APC2: variants seen among roughly 807,000 people sequenced by gnomAD.
APC2 encodes the protein adenomatous polyposis coli protein 2.
Under a neutral mutation model 72.5 loss-of-function variants are expected in APC2, and 41 were observed. That is an observed-to-expected ratio of 0.57 (90% CI 0.44 to 0.73). The LOEUF (loss-of-function observed/expected upper bound fraction) is 0.73, where lower values mean the gene tolerates loss of function less well. Among genes scored for constraint, APC2 ranks in the 30% least tolerant of loss-of-function variants. APC2 has a pLI of 0.00. For missense variants in APC2, 3,729 were observed against 3,403.4 expected, an observed-to-expected ratio of 1.10 and a Z score of -2.38; for synonymous variants, 1,898 against 1,612.0, an observed-to-expected ratio of 1.18 and a Z score of -4.25.
chr19:1,460,044 C>A, intron 10 of APC2, 137 bp from the exon 11 acceptor site: 1 of 1,226,156 alleles, frequency 8.2e-7, no homozygotes, highest in Non-Finnish European at 1.1e-6. Flanking sequence ...GAGGAGGTCT[C>A]AGACTTGGGC....
upstream of APC2, among the ~76,000 whole-genome samples, chr19:1,448,937 C>T (rs1468633492): frequency 6.6e-6 from 1 of 152,228 alleles, no homozygotes; most frequent in African/African-American, 2.4e-5. Flanking sequence ...CCAGTGGGGA[C>T]AGCTGCGTCC....
upstream of APC2, chr19:1,450,110 C>T (rs575936684): frequency 2.1e-5 from 21 of 982,702 alleles, no homozygotes; most frequent in South Asian, 7.5e-4. Context: ...ATCCCGCATC[C>T]TCCCCCGCTC....
intron 14 of APC2, among the ~76,000 whole-genome samples, chr19:1,464,873 T>C (rs926172049): frequency 1.3e-5 from 2 of 151,272 alleles, no homozygotes; most frequent in Non-Finnish European, 2.9e-5. Context: ...CCTCAGGGGA[T>C]CCACCCCACT....
At chr19:1,447,665 G>C (rs2083699581), upstream of APC2, among the ~76,000 whole-genome samples, 1 of 151,908 alleles carries the variant, frequency 6.6e-6, no homozygotes, top group Non-Finnish European at 1.5e-5. Flanking sequence ...TAGTGTGTGG[G>C]GGGGGATTGT....
At chr19:1,453,696 C>A (rs1344081315) in intron 4 of APC2, 85 bp downstream of exon 4, 1 of 1,489,572 alleles carries the variant, frequency 6.7e-7, no homozygotes, top group Non-Finnish European at 9.0e-7. Flanking sequence ...CGCCCACCCG[C>A]ATATGTCTCT....
Position 1,467,432 on chromosome 19 carries a change from GC to G in APC2, c.4134del (p.Ala1379ProfsTer201). ...TCCCCGTGCCCGTCTACATGTTGGTGCCCGCCCCGGCCCCGGCCCAGGAGGA... is the reference window on the plus strand; with the variant it reads ...TCCCCGTGCCCGTCTACATGTTGGTGCCGCCCCGGCCCCGGCCCAGGAGGA... ...ALPVPVYMLV[P>X]APAPAQEDDS... On this transcript the variant is annotated frameshift_variant, in exon 15 of 15. Transcript: ENST00000590469. LOFTEE classifies it low-confidence loss of function (END_TRUNC). The G allele has an allele frequency of 6.8e-7, 1 of 1,480,278 alleles. No homozygotes were observed. The highest frequency in any genetic ancestry group is 8.9e-7 in the Non-Finnish European group (1 of 1,119,906). 91.7% of individuals were successfully genotyped at this position (1,480,278 alleles called of 1,614,324 possible). A position where few individuals can be genotyped will look rare whatever the true frequency, so the allele number is the denominator to read the frequency against.
chr19:1,457,108 C>A lies in APC2; in HGVS notation c.1072C>A (p.Gln358Lys). ...NAALHNIVFS[Q>K]PDQGLARKEM... ...GGCGCTGCACAACATCGTCTTCTCG[C>A]AGCCGGACCAGGGCCTGGCGCGCAA... The change falls in exon 9 of 15, where the codon CAG becomes AAG. Residue 358 changes from glutamine (Q) to lysine (K), a missense_variant. Physicochemically the swap from Gln to Lys is moderately conservative, Grantham distance 53. Transcript: ENST00000590469. 1.9e-6 allele frequency: 3 copies of A among 1,584,136 alleles called. No homozygotes were observed. Among genetic ancestry groups the A allele is most frequent in the South Asian group, 1.1e-5 (1 of 87,034 alleles).
At chr19:1,457,902 T>G in intron 9 of APC2, 63 bp from the exon 10 acceptor site, 4 of 897,380 alleles carry the variant, frequency 4.5e-6, no homozygotes, top group Non-Finnish European at 6.2e-6. Context: ...TTGCGGGACC[T>G]TCGGGAGTCA....
Position 1,466,929 on chromosome 19 carries a change from C to T in APC2, c.3628C>T (p.Arg1210Trp), listed in dbSNP as rs868019764. The change falls in exon 15 of 15, where the codon CGG becomes TGG. Residue 1210 changes from arginine (R) to tryptophan (W), a missense_variant. Arg to Trp is a moderately radical substitution (Grantham distance 101). Transcript: ENST00000590469. Reference protein sequence around the residue: ...DSPGQTMPPSRSKTPPLAPAP... With the variant: ...DSPGQTMPPSWSKTPPLAPAP... ...CCCCGGACAGACCATGCCTCCCAGC[C>T]GGAGCAAGACGCCACCGCTGGCGCC... The T allele has an allele frequency of 5.0e-6, 8 of 1,595,770 alleles. No homozygotes were observed. In the African/African-American group the frequency reaches 5.4e-5, roughly 11 times the overall value.
Position 1,468,941 on chromosome 19 carries a change from G to T in APC2, c.5640G>T (p.Ser1880=). 6.5e-7 allele frequency: 1 copy of T among 1,529,332 alleles called. No homozygotes were observed. Among genetic ancestry groups the T allele is most frequent in the Non-Finnish European group, 8.7e-7 (1 of 1,143,132 alleles). The allele number at this position is 1,529,332 out of a possible 1,614,324, so 94.7% of individuals were successfully genotyped here. ...KTPSSSSSQT[S]PASQPLPRKR... ...CCTCCTCCAGCTCCTCCCAGACCTC[G>T]CCCGCCTCCCAGCCCCTGCCCAGAA... Residue 1880 remains serine, a synonymous_variant, in exon 15 of 15, where the codon TCG becomes TCT. Coordinates refer to ENST00000590469, the MANE Select transcript of APC2 (RefSeq NM_005883.3).
In APC2 at chr19:1,469,114, G is replaced by A. The variant is rs868433435; in HGVS notation, c.5813G>A (p.Arg1938Gln). Residue 1938 changes from arginine (R) to glutamine (Q), a missense_variant, in exon 15 of 15, where the codon CGG becomes CAG. By Grantham distance (43) the Arg-to-Gln change is conservative. Transcript: ENST00000590469. ...VRIPFMQRPARRGPPPLARAV... is the reference protein window; with the variant it reads ...VRIPFMQRPAQRGPPPLARAV... Reference sequence around the variant, plus strand: ...ATCCCGTTCATGCAGAGGCCGGCCCGGCGTGGGCCGCCACCGCTGGCTCGG... The same window carrying A: ...ATCCCGTTCATGCAGAGGCCGGCCCAGCGTGGGCCGCCACCGCTGGCTCGG... 5.1e-6 allele frequency: 7 copies of A among 1,367,842 alleles called. No homozygotes were observed. Among genetic ancestry groups the A allele is most frequent in the South Asian group, 1.7e-5 (1 of 58,348 alleles). The allele number at this position is 1,367,842 out of a possible 1,614,324, so 84.7% of individuals were successfully genotyped here.
chr19:1,462,213 TGCGCTC>T lies in APC2; in HGVS notation c.1853+38_1853+43del, dbSNP rs970913908. 14 of 1,493,272 alleles carry T rather than the reference TGCGCTC, an allele frequency of 9.4e-6. No individual in the cohort carries two copies. In the African/African-American group the frequency reaches 1.8e-4, roughly 20 times the overall value. The allele number at this position is 1,493,272 out of a possible 1,614,324, so 92.5% of individuals were successfully genotyped here. A position where few individuals can be genotyped will look rare whatever the true frequency, so the allele number is the denominator to read the frequency against. ...ACCCCCCCACCCGCACACAGGCAGC[TGCGCTC>T]GGGGCGGGCACAGGGCTGGGCTGGG... On this transcript the variant is annotated intron_variant, in intron 14 of 14. Transcript: ENST00000590469.
chr19:1,450,431 C>G, intron 1 of APC2, 93 bp downstream of exon 1: 1 of 903,830 alleles, frequency 1.1e-6, no homozygotes, highest in Non-Finnish European at 1.3e-6. Context: ...TCAGCACAGA[C>G]TCTGGACCCT....
chr19:1,454,982 A>ACC (rs1451653242), intron 4 of APC2, among the ~76,000 whole-genome samples, 167 bp from the exon 5 acceptor site: 95 of 52,150 alleles, frequency 1.8e-3, no homozygotes, highest in South Asian at 6.6e-3. Context: ...TAATTTCAAT[A>ACC]CCCACCCCCC....
At chr19:1,457,895 C>CGGGGGGGGGGA in intron 9 of APC2, 70 bp from the exon 10 acceptor site, 1 of 1,233,428 alleles carries the variant, frequency 8.1e-7, no homozygotes, top group Non-Finnish European at 1.1e-6. Flanking sequence ...GGGCGGGTTG[C>CGGGGGGGGGGA]GGGACCTTCG....
Position 1,469,172 on chromosome 19 carries a change from G to A in APC2, c.5871G>A (p.Ala1957=). 1 of 1,288,620 alleles carries A rather than the reference G, an allele frequency of 7.8e-7. No homozygotes were observed. The highest frequency in any genetic ancestry group is 9.8e-7 in the Non-Finnish European group (1 of 1,019,592). The allele number at this position is 1,288,620 out of a possible 1,614,324, so 79.8% of individuals were successfully genotyped here. A position where few individuals can be genotyped will look rare whatever the true frequency, so the allele number is the denominator to read the frequency against. ...CGGAGCCGGGCCCCAGGGGCCGGGCGGGGACCGAGGCGGGCCCGGGGGCGC... is the reference window on the plus strand; with the variant it reads ...CGGAGCCGGGCCCCAGGGGCCGGGCAGGGACCGAGGCGGGCCCGGGGGCGC... ...AVPEPGPRGR[A]GTEAGPGARG... The change falls in exon 15 of 15, where the codon GCG becomes GCA. Residue 1957 remains alanine, a synonymous_variant. Coordinates refer to ENST00000590469, the MANE Select transcript of APC2 (RefSeq NM_005883.3).
At position 1,467,883 on chromosome 19, in the gene APC2, C is replaced by G; in HGVS notation, c.4582C>G (p.Arg1528Gly). ...GGCGGCCGCGCCCACGCCAACCCACCGGCGCACATCGGCCATCCCTCGCGC... is the reference window on the plus strand; with the variant it reads ...GGCGGCCGCGCCCACGCCAACCCACGGGCGCACATCGGCCATCCCTCGCGC... ...PPAAAPTPTH[R>G]RTSAIPRAFT... The change falls in exon 15 of 15, where the codon CGG becomes GGG. Residue 1528 changes from arginine (R) to glycine (G), a missense_variant. Transcript: ENST00000590469. 1.3e-6 allele frequency: 2 copies of G among 1,576,454 alleles called. No homozygotes were observed. Among genetic ancestry groups the G allele is most frequent in the Non-Finnish European group, 1.7e-6 (2 of 1,170,010 alleles).
chr19:1,457,848 C>T, intron 9 of APC2, 117 bp from the exon 10 acceptor site: 1 of 855,426 alleles, frequency 1.2e-6, no homozygotes, highest in Non-Finnish European at 1.8e-6. Flanking sequence ...ACTTTGCAGC[C>T]ATTTGCAAAG....
At position 1,453,055 on chromosome 19, in the gene APC2, G is replaced by A. The variant is rs1433801567; in HGVS notation, c.54G>A (p.Leu18=). ...AGCTGGTGAGGCAGGTGGAGGCCTT[G>A]AAGGCTGAGAACAGCCACCTGAGGC... ...YEQLVRQVEA[L]KAENSHLRQE... The change falls in exon 2 of 15, where the codon TTG becomes TTA. Residue 18 remains leucine, a synonymous_variant. Coordinates refer to ENST00000590469, the MANE Select transcript of APC2 (RefSeq NM_005883.3). 2.7e-5 allele frequency: 43 copies of A among 1,610,822 alleles called. No individual in the cohort carries two copies. The highest frequency in any genetic ancestry group is 3.6e-5 in the Non-Finnish European group (43 of 1,179,732).
Sources: gnomAD v4.1 joint callset for allele counts (sites outside exome capture counted in the v4.1 genomes callset) on GRCh38, gnomAD v4.1.1 for gene constraint, MANE v1.5 for transcripts, NCBI Gene and HGNC (gene_info 2026-07-23, HGNC 2026-07-21) for gene names.